UBTD2: variants seen among roughly 807,000 people sequenced by gnomAD.
The protein encoded by UBTD2 is ubiquitin domain-containing protein 2.
Under a neutral mutation model 19.8 loss-of-function variants are expected in UBTD2, and 9 were observed. That is an observed-to-expected ratio of 0.46 (90% CI 0.27 to 0.79). UBTD2 has a LOEUF of 0.79. Ranked by LOEUF, UBTD2 falls within the 30% of genes least tolerant of loss-of-function variation. The pLI, the probability that UBTD2 is intolerant of heterozygous loss-of-function variation, is 0.14. For missense variants in UBTD2, 250 were observed against 300.4 expected (o/e 0.83, Z 1.24); for synonymous variants, 98 against 103.9 (o/e 0.94, Z 0.35).
intron 1 of UBTD2, among the ~76,000 whole-genome samples, chr5:172,275,888 G>A (rs557181513): frequency 2.0e-5 from 3 of 152,126 alleles, no homozygotes; most frequent in Non-Finnish European, 4.4e-5. Context: ...GGTCACTCGG[G>A]TTCATAAACA....
intron 2 of UBTD2, among the ~76,000 whole-genome samples, chr5:172,213,046 A>C (rs1019612257): frequency 6.6e-6 from 1 of 151,990 alleles, no homozygotes; most frequent in East Asian, 1.9e-4. Context: ...GCTGGAGTGC[A>C]GGGATGTGAT....
chr5:172,255,674 A>T (rs1402323142), intron 1 of UBTD2, among the ~76,000 whole-genome samples: 1 of 152,162 alleles, frequency 6.6e-6, no homozygotes, highest in African/African-American at 2.4e-5. Context: ...TCCTGGCACC[A>T]ACTCCAGGCA....
At chr5:172,276,962 G>A (rs1488824734) in intron 1 of UBTD2, among the ~76,000 whole-genome samples, 2 of 148,648 alleles carry the variant, frequency 1.3e-5, no homozygotes, top group African/African-American at 2.5e-5. Context: ...CCAGCTATTC[G>A]GGAGGCTGAG....
At position 172,267,802 on chromosome 5, in the gene UBTD2, T is replaced by C. The variant is rs534915509; in HGVS notation, c.70+15794A>G. Among the ~76,000 whole-genome samples, 173 of 152,248 alleles carry C rather than the reference T, an allele frequency of 1.1e-3. 1 individual carries two copies. Among genetic ancestry groups the C allele is most frequent in the Middle Eastern group, 3.4e-3 (1 of 294 alleles). Reference sequence around the variant, plus strand: ...TGTCAGATTTAAAAAAAAAGAAGATTCCATGTTAATGTCTGAATCTACTGA... The same window carrying C: ...TGTCAGATTTAAAAAAAAAGAAGATCCCATGTTAATGTCTGAATCTACTGA... On this transcript the variant is annotated intron_variant, in intron 1 of 2. Coordinates refer to ENST00000393792, the MANE Select transcript of UBTD2 (RefSeq NM_152277.3).
At chr5:172,241,543 T>C (rs1187509545) in intron 1 of UBTD2, among the ~76,000 whole-genome samples, 1 of 152,006 alleles carries the variant, frequency 6.6e-6, no homozygotes, top group Non-Finnish European at 1.5e-5. Context: ...CTAACTCTAG[T>C]TGCAGATAAT....
intron 2 of UBTD2, among the ~76,000 whole-genome samples, chr5:172,233,244 C>G (rs969949831): frequency 7.2e-5 from 11 of 152,080 alleles, no homozygotes; most frequent in African/African-American, 2.4e-4. Context: ...AAGGGACGTA[C>G]TAGGGATTAA....
At position 172,280,562 on chromosome 5, in the gene UBTD2, G is replaced by A. The variant is rs543977436; in HGVS notation, c.70+3034C>T. 2.0e-5 allele frequency among the ~76,000 whole-genome samples: 3 copies of A among 150,240 alleles called. No individual in the cohort carries two copies. In the East Asian group the frequency reaches 5.9e-4, roughly 29 times the overall value. On this transcript the variant is annotated intron_variant, in intron 1 of 2. Transcript: ENST00000393792. ...AACTACTCATGTGGCTGAGGCCAGAGGACTGCCTGAGCCCAAGAGTTCAAG... is the reference window on the plus strand; with the variant it reads ...AACTACTCATGTGGCTGAGGCCAGAAGACTGCCTGAGCCCAAGAGTTCAAG...
rs1306729440 is a variant in UBTD2, at chr5:172,262,792, G to GT, written c.70+20803dup. ...ATCACGCCACTGCCCTCCAGCCCAG[G>GT]TGACAGAGCAAGACTCATCTCAAAA... On this transcript the variant is annotated intron_variant, in intron 1 of 2. Transcript: ENST00000393792. 2.6e-5 allele frequency among the ~76,000 whole-genome samples: 4 copies of GT among 152,180 alleles called. No individual in the cohort carries two copies. The East Asian group carries it at 7.7e-4, about 29-fold the overall frequency.
chr5:172,283,641 G>A lies in UBTD2; in HGVS notation c.25C>T (p.His9Tyr), dbSNP rs1439471686. The change falls in exon 1 of 3, where the codon CAC becomes TAC. Residue 9 changes from histidine to tyrosine, a missense_variant. Physicochemically the swap from His to Tyr is moderately conservative, Grantham distance 83. Coordinates refer to ENST00000393792, the MANE Select transcript of UBTD2 (RefSeq NM_152277.3). This position sits in a 1 kb window ranked among gnomAD's most constrained non-coding sequence, Gnocchi z 4.3. MGGCVGAQ[H>Y]DSSGSLNENS... ...TCGTTGAGGCTGCCCGAGGAGTCGT[G>A]CTGGGCGCCCACACACCCGCCCATG... The A allele has an allele frequency of 1.6e-5, 20 of 1,276,938 alleles. No individual in the cohort carries two copies. The highest frequency in any genetic ancestry group is 2.0e-5 in the Non-Finnish European group (20 of 1,003,960). The allele number at this position is 1,276,938 out of a possible 1,614,324, so 79.1% of individuals were successfully genotyped here.
At chr5:172,274,831 G>A (rs1755575406) in intron 1 of UBTD2, among the ~76,000 whole-genome samples, 1 of 152,062 alleles carries the variant, frequency 6.6e-6, no homozygotes, top group South Asian at 2.1e-4. Context: ...ATGAGGTCAG[G>A]AGATTGAGAC....
At chr5:172,223,469 C>T (rs544782445) in intron 2 of UBTD2, among the ~76,000 whole-genome samples, 52 of 151,264 alleles carry the variant, frequency 3.4e-4, no homozygotes, top group Admixed American at 1.2e-3. Context: ...TGTGGTGGCA[C>T]GCTCCTGTAA....
In UBTD2 at chr5:172,279,188, G is replaced by A. The variant is rs78091915; in HGVS notation, c.70+4408C>T. 5.3e-3 allele frequency among the ~76,000 whole-genome samples: 814 copies of A among 152,316 alleles called. 9 individuals are homozygous for A. Among genetic ancestry groups the A allele is most frequent in the African/African-American group, 0.018 (762 of 41,562 alleles). ...TGCCAGTTATAAGCTATGTGATGAT[G>A]AGCAAGTTATTAAAGGTTGGTGCAA... On this transcript the variant is annotated intron_variant, in intron 1 of 2. Transcript: ENST00000393792.
At chr5:172,220,959 C>T (rs1398105951) in intron 2 of UBTD2, among the ~76,000 whole-genome samples, 1 of 152,296 alleles carries the variant, frequency 6.6e-6, no homozygotes, top group East Asian at 1.9e-4. Flanking sequence ...GTCAACTGCT[C>T]TCCTATACAT....
At chr5:172,254,709 G>A in intron 1 of UBTD2, 1 of 354,268 alleles carries the variant, frequency 2.8e-6, no homozygotes, top group Non-Finnish European at 5.3e-6. Context: ...ACCAAAGGGT[G>A]ATTCTCTTGC....
upstream of UBTD2, chr5:172,283,983 C>T (rs1414270739): frequency 6.7e-6 from 1 of 149,084 alleles, no homozygotes; most frequent in Non-Finnish European, 1.5e-5. The surrounding 1 kb of genome is among the most constrained non-coding windows in gnomAD (Gnocchi z 4.3). Context: ...CGCCTCGCCC[C>T]CTCACAGCCC....
intron 2 of UBTD2, among the ~76,000 whole-genome samples, chr5:172,229,801 C>G (rs1018534171): frequency 6.6e-6 from 1 of 152,098 alleles, no homozygotes; most frequent in Admixed American, 6.6e-5. Flanking sequence ...CTATTCACTA[C>G]GCAGAAACTG....
chr5:172,218,408 A>C (rs1771586562), intron 2 of UBTD2, among the ~76,000 whole-genome samples: 1 of 152,218 alleles, frequency 6.6e-6, no homozygotes. Flanking sequence ...AAACTAAAAA[A>C]AGAAAACCAA....
chr5:172,249,118 C>A (rs1384811646), intron 1 of UBTD2, among the ~76,000 whole-genome samples: 1 of 151,924 alleles, frequency 6.6e-6, no homozygotes, highest in African/African-American at 2.4e-5. Flanking sequence ...AATAGTGGGG[C>A]CGGGTGCAGT....
At chr5:172,261,827 T>C (rs908961655) in intron 1 of UBTD2, among the ~76,000 whole-genome samples, 3 of 152,150 alleles carry the variant, frequency 2.0e-5, no homozygotes, top group Non-Finnish European at 4.4e-5. Flanking sequence ...TTTCGCCATG[T>C]TGGCCAGGCT....
Sources: allele counts gnomAD v4.1 joint callset (sites outside exome capture counted in the v4.1 genomes callset), GRCh38; gene constraint gnomAD v4.1.1; non-coding constraint Gnocchi (gnomAD v3.1); transcripts MANE v1.5; gene names NCBI Gene and HGNC (gene_info 2026-07-23, HGNC 2026-07-21).